The following CLSTN2 variants were observed in gnomAD, a reference collection of about 807,000 sequenced individuals.
CLSTN2 encodes calsyntenin 2, also known as calsyntenin-2.
Under a neutral mutation model 101.2 loss-of-function variants are expected in CLSTN2, and 48 were observed. The observed-to-expected ratio is 0.47, with a 90% CI of 0.38 to 0.60. CLSTN2 has a LOEUF of 0.60. Ranked by LOEUF, CLSTN2 falls within the 20% of genes least tolerant of loss-of-function variation. CLSTN2 has a pLI of 0.00. For missense variants in CLSTN2, 1,160 were observed against 1,238.2 expected (o/e 0.94, Z 0.95); for synonymous variants, 481 against 463.6 (o/e 1.04, Z -0.48).
chr3:140,495,098 G>T (rs142567302), intron 8 of CLSTN2, among the ~76,000 whole-genome samples: 1 of 152,058 alleles, frequency 6.6e-6, no homozygotes, highest in Non-Finnish European at 1.5e-5. Context: ...AAAGTGCTTC[G>T]TTTTCTCTGT....
intron 2 of CLSTN2, among the ~76,000 whole-genome samples, chr3:140,256,774 T>C (rs2086607640): frequency 6.6e-6 from 1 of 152,240 alleles, no homozygotes; most frequent in Non-Finnish European, 1.5e-5. Context: ...GACAGCCCAA[T>C]AAATATCATT....
chr3:140,017,648 C>T (rs1156484592), intron 1 of CLSTN2, among the ~76,000 whole-genome samples: 1 of 152,184 alleles, frequency 6.6e-6, no homozygotes, highest in Non-Finnish European at 1.5e-5. Flanking sequence ...GGCAGCGGGG[C>T]CCATCAGCCT....
At chr3:140,455,326 C>T (rs568525978) in intron 6 of CLSTN2, among the ~76,000 whole-genome samples, 1 of 152,164 alleles carries the variant, frequency 6.6e-6, no homozygotes, top group Non-Finnish European at 1.5e-5. Flanking sequence ...CCATAGGCTC[C>T]CTGAAGTGCT....
chr3:140,096,881 A>T (rs916404257), intron 1 of CLSTN2, among the ~76,000 whole-genome samples: 1 of 152,232 alleles, frequency 6.6e-6, no homozygotes, highest in Non-Finnish European at 1.5e-5. Flanking sequence ...GACATGAAAG[A>T]GGCAGTAGGC....
chr3:139,976,872 TAC>T (rs560706620), intron 1 of CLSTN2, among the ~76,000 whole-genome samples: 329 of 152,292 alleles, frequency 2.2e-3, no homozygotes, highest in African/African-American at 7.5e-3. Context: ...GCAAGAGACC[TAC>T]AACCGTCCCA....
chr3:140,200,808 C>G (rs112046038), intron 2 of CLSTN2, among the ~76,000 whole-genome samples: 36 of 152,176 alleles, frequency 2.4e-4, no homozygotes, highest in African/African-American at 8.7e-4. Context: ...TCCCCTCCCC[C>G]ACCTGCCTCC....
At chr3:140,518,153 T>C (rs1362088903) in intron 8 of CLSTN2, among the ~76,000 whole-genome samples, 1 of 152,122 alleles carries the variant, frequency 6.6e-6, no homozygotes, top group African/African-American at 2.4e-5. Flanking sequence ...ACCATACTTA[T>C]CCAACAGCAC....
chr3:140,026,116 A>G (rs2007415165), intron 1 of CLSTN2, among the ~76,000 whole-genome samples: 1 of 152,150 alleles, frequency 6.6e-6, no homozygotes, highest in African/African-American at 2.4e-5. Context: ...CATATTGATG[A>G]GTTCTGTTTG....
intron 10 of CLSTN2, among the ~76,000 whole-genome samples, chr3:140,553,211 G>C (rs1482801682): frequency 1.3e-5 from 2 of 152,232 alleles, no homozygotes; most frequent in Non-Finnish European, 1.5e-5. Context: ...TGTGTCACAA[G>C]GGTACAAGAG....
chr3:140,270,545 C>T (rs887644010), intron 2 of CLSTN2, among the ~76,000 whole-genome samples: 3 of 152,124 alleles, frequency 2.0e-5, no homozygotes, highest in Non-Finnish European at 4.4e-5. Context: ...CTAGTGCCTC[C>T]CATCCAGATG....
chr3:139,977,117 C>T (rs1237010482), intron 1 of CLSTN2, among the ~76,000 whole-genome samples: 1 of 152,144 alleles, frequency 6.6e-6, no homozygotes, highest in African/African-American at 2.4e-5. Flanking sequence ...ATTTGATTTG[C>T]AGGTGAGAAT....
intron 1 of CLSTN2, among the ~76,000 whole-genome samples, chr3:140,090,186 G>A (rs932164163): frequency 6.6e-6 from 1 of 150,734 alleles, no homozygotes; most frequent in Admixed American, 6.6e-5. Flanking sequence ...CGGCTGAAGG[G>A]GGGTTATCTT....
intron 1 of CLSTN2, among the ~76,000 whole-genome samples, chr3:140,158,652 A>G (rs1560112625): frequency 6.6e-6 from 1 of 152,170 alleles, no homozygotes; most frequent in Non-Finnish European, 1.5e-5. Context: ...CAAACTACCA[A>G]TGTCATTTTT....
At chr3:140,377,001 T>C (rs1484806919) in intron 2 of CLSTN2, among the ~76,000 whole-genome samples, 1 of 105,576 alleles carries the variant, frequency 9.5e-6, no homozygotes, top group Non-Finnish European at 1.9e-5. Context: ...TTCAGGTTAG[T>C]GTGTTACACA....
rs542821236 is a variant in CLSTN2, at chr3:140,093,542, A to C, written c.110-82409A>C. Among the ~76,000 whole-genome samples, 3 of 152,088 alleles carry C rather than the reference A, an allele frequency of 2.0e-5. No homozygotes were observed. In the South Asian group the frequency reaches 6.2e-4, roughly 32 times the overall value. On this transcript the variant is annotated intron_variant, in intron 1 of 16. Coordinates refer to ENST00000458420, the MANE Select transcript of CLSTN2 (RefSeq NM_022131.3). ...CTTTGCTGAATTTCAATGTCCCCTA[A>C]TGCCAGTGACTGAGGGCTAGCAGAG...
At chr3:140,151,270 T>A (rs937945941) in intron 1 of CLSTN2, among the ~76,000 whole-genome samples, 4 of 152,136 alleles carry the variant, frequency 2.6e-5, no homozygotes, top group African/African-American at 9.7e-5. Flanking sequence ...GGTTCGGGGA[T>A]ACCTTTGACC....
chr3:140,566,072 A>T lies in CLSTN2; in HGVS notation c.2687A>T (p.His896Leu), dbSNP rs561729511. 1.9e-6 allele frequency: 3 copies of T among 1,613,912 alleles called. No homozygotes were observed. Among genetic ancestry groups the T allele is most frequent in the South Asian group, 1.1e-5 (1 of 91,064 alleles). ...NPMEKHEGPG[H>L]GEDETEGEEE... The stretch of plus-strand genomic sequence containing the variant: ...ATCCAGAAACATGAAGGACCAGGGC[A>T]TGGGGAAGATGAGACTGAGGGAGAA... The change falls in exon 17 of 17, where the codon CAT (histidine) becomes CTT (leucine). Residue 896 changes from histidine (H) to leucine (L), a missense_variant. His to Leu is a moderately conservative substitution (Grantham distance 99). Transcript: ENST00000458420.
intron 1 of CLSTN2, among the ~76,000 whole-genome samples, chr3:140,015,709 A>G (rs1652771871): frequency 6.6e-6 from 1 of 152,240 alleles, no homozygotes; most frequent in Non-Finnish European, 1.5e-5. Flanking sequence ...AATGGCTCAG[A>G]AGCAAGACTG....
intron 1 of CLSTN2, among the ~76,000 whole-genome samples, chr3:139,987,957 G>T (rs1406049763): frequency 6.6e-6 from 1 of 152,178 alleles, no homozygotes; most frequent in Non-Finnish European, 1.5e-5. Context: ...TTCTCACAGG[G>T]AATAAGGATA....
Sources: allele counts gnomAD v4.1 joint callset (sites outside exome capture counted in the v4.1 genomes callset), GRCh38; gene constraint gnomAD v4.1.1; transcripts MANE v1.5; gene names NCBI Gene and HGNC (gene_info 2026-07-23, HGNC 2026-07-21).